Variants in BEGAIN observed in about 807,000 individuals in gnomAD.
BEGAIN encodes brain-enriched guanylate kinase-associated protein.
A neutral mutation model predicts 35.8 loss-of-function variants in BEGAIN; 19 were observed. The ratio of observed to expected loss-of-function variants is 0.53; its 90% confidence interval spans 0.37 to 0.78. The LOEUF (loss-of-function observed/expected upper bound fraction) is 0.78. Among genes scored for constraint, BEGAIN ranks in the 30% least tolerant of loss-of-function variants. BEGAIN has a pLI of 0.00. For missense variants in BEGAIN, 795 were observed against 853.6 expected (o/e 0.93, Z 0.85); for synonymous variants, 462 against 388.6 (o/e 1.19, Z -2.22).
intron 2 of BEGAIN, chr14:100,547,518 G>A (rs961684983): frequency 2.6e-5 from 4 of 152,294 alleles, no homozygotes; most frequent in African/African-American, 9.6e-5. Flanking sequence ...CTGTGCAAAG[G>A]CAGGAGGGTA....
chr14:100,562,250 GC>G (rs2034323027), intron 2 of BEGAIN, among the ~76,000 whole-genome samples: 1 of 152,052 alleles, frequency 6.6e-6, no homozygotes, highest in African/African-American at 2.4e-5. Context: ...CAGGTGGCCA[GC>G]CCCATCCCCA....
chr14:100,568,459 A>G lies in BEGAIN; in HGVS notation c.43-520T>C. 7.8e-7 allele frequency: 1 copy of G among 1,286,448 alleles called. No individual in the cohort carries two copies. Among genetic ancestry groups the G allele is most frequent in the Non-Finnish European group, 1.0e-6 (1 of 987,310 alleles). The allele number at this position is 1,286,448 out of a possible 1,614,324, so 79.7% of individuals were successfully genotyped here. ...CTGACACTCACACAATCCGAGGGCG[A>G]TGGCATTTGGAGCCTCGACTCCTCA... On this transcript the variant is annotated intron_variant, in intron 1 of 6. Coordinates refer to ENST00000554140, the MANE Select transcript of BEGAIN (RefSeq NM_001385089.1). This position sits in a 1 kb window ranked among gnomAD's most constrained non-coding sequence, Gnocchi z 7.5.
intron 4 of BEGAIN, among the ~76,000 whole-genome samples, chr14:100,544,366 C>G (rs2032073990): frequency 6.6e-6 from 1 of 152,184 alleles, no homozygotes; most frequent in Non-Finnish European, 1.5e-5. Context: ...AGGCCCAGCC[C>G]CCAGGCCTGC....
chr14:100,569,030 C>A, intron 1 of BEGAIN: 1 of 838,588 alleles, frequency 1.2e-6, no homozygotes, highest in Non-Finnish European at 1.4e-6. Context: ...GAGGGCGCAG[C>A]CCGGCCGCAG....
At position 100,539,076 on chromosome 14, in the gene BEGAIN, G is replaced by A. The variant is rs1475506380; in HGVS notation, c.732C>T (p.Asp244=). 1 of 1,612,432 alleles carries A rather than the reference G, an allele frequency of 6.2e-7. No individual in the cohort carries two copies. The highest frequency in any genetic ancestry group is 8.5e-7 in the Non-Finnish European group (1 of 1,179,536). Residue 244 remains aspartate, a synonymous_variant, in exon 7 of 7, where the codon GAC becomes GAT. Coordinates refer to ENST00000554140, the MANE Select transcript of BEGAIN (RefSeq NM_001385089.1). ...AGAGGGCTGTGTCACTGCAGTAGAT[G>A]TCTCCCTTGTAGGGGGGCCGCGGGC... ...KPGPRPPYKG[D]IYCSDTALYC... is the part of the protein sequence containing the mutation.
rs369042883 is a variant in BEGAIN at position 100,544,991 on chromosome 14, C to A, written c.300+9G>T. ...GGGTGGGGGAGTGGGCGCTGCGTGG[C>A]GGCCTCACCATGCGGTACAGCTTGT... is the stretch of plus-strand genomic sequence containing the variant. On this transcript the variant is annotated intron_variant, in intron 4 of 6. Coordinates refer to ENST00000554140, the MANE Select transcript of BEGAIN (RefSeq NM_001385089.1). 1.7e-5 allele frequency: 27 copies of A among 1,610,738 alleles called. No individual in the cohort carries two copies. Among genetic ancestry groups the A allele is most frequent in the Non-Finnish European group, 2.3e-5 (27 of 1,179,754 alleles).
At chr14:100,553,874 G>A (rs1248753267) in intron 2 of BEGAIN, among the ~76,000 whole-genome samples, 3 of 152,284 alleles carry the variant, frequency 2.0e-5, no homozygotes, top group East Asian at 3.9e-4. Flanking sequence ...GTCCAAACAG[G>A]TGGGATGCTC....
chr14:100,545,529 C>G (rs767319515), intron 3 of BEGAIN: 11 of 761,120 alleles, frequency 1.4e-5, no homozygotes, highest in Non-Finnish European at 1.8e-5. Context: ...TCGGTTCTGC[C>G]GGGTAGGAGG....
At chr14:100,545,334 G>T (rs185381279) in intron 3 of BEGAIN, 5 of 1,323,748 alleles carry the variant, frequency 3.8e-6, no homozygotes, top group Non-Finnish European at 4.8e-6. Flanking sequence ...GGAAGGGAAG[G>T]CTTGTTATTC....
intron 2 of BEGAIN, chr14:100,549,825 T>C (rs945974042): frequency 1.3e-5 from 2 of 152,286 alleles, no homozygotes; most frequent in African/African-American, 4.8e-5. Context: ...TCCCCTGCCC[T>C]GGGTGAAAAG....
chr14:100,579,201 T>C (rs2035266889), intron 1 of BEGAIN, among the ~76,000 whole-genome samples: 1 of 152,204 alleles, frequency 6.6e-6, no homozygotes, highest in Admixed American at 6.5e-5. Flanking sequence ...AAATAACCTC[T>C]TGTCTTTAAG....
In BEGAIN at chr14:100,568,768, G is replaced by A; in HGVS notation, c.43-829C>T. ...CCGGGCGGGATCGCACTTCCTGCGTGGAGCTGGGGGCGCCGGGCGGGCTCT... is the reference window on the plus strand; with the variant it reads ...CCGGGCGGGATCGCACTTCCTGCGTAGAGCTGGGGGCGCCGGGCGGGCTCT... On this transcript the variant is annotated intron_variant, in intron 1 of 6. Transcript: ENST00000554140. The surrounding 1 kb of genome is among the most constrained non-coding windows in gnomAD (Gnocchi z 7.5). The A allele has an allele frequency of 1.3e-6, 1 of 762,658 alleles. No individual in the cohort carries two copies. Among genetic ancestry groups the A allele is most frequent in the Non-Finnish European group, 1.6e-6 (1 of 625,414 alleles). 47.2% of individuals were successfully genotyped at this position (762,658 alleles called of 1,614,324 possible).
At chr14:100,582,282 T>C (rs2139766280) in intron 1 of BEGAIN, among the ~76,000 whole-genome samples, 1 of 152,236 alleles carries the variant, frequency 6.6e-6, no homozygotes, top group African/African-American at 2.4e-5. Flanking sequence ...GTAGCTGGGA[T>C]TACAGGCACG....
intron 1 of BEGAIN, among the ~76,000 whole-genome samples, chr14:100,570,898 C>T (rs1048843661): frequency 1.3e-5 from 2 of 152,322 alleles, no homozygotes; most frequent in East Asian, 1.9e-4. Flanking sequence ...TGAGGTTAGC[C>T]GAGGCCTGCC....
intron 2 of BEGAIN, among the ~76,000 whole-genome samples, chr14:100,565,138 C>T (rs947799589): frequency 1.3e-5 from 2 of 152,224 alleles, no homozygotes; most frequent in Non-Finnish European, 1.5e-5. Context: ...GAGGGCCAAC[C>T]GGGTCTTTTC....
Position 100,538,486 on chromosome 14 carries a change from C to A in BEGAIN, c.1322G>T (p.Ser441Ile). The change falls in exon 7 of 7, where the codon AGC becomes ATC. Residue 441 changes from serine to isoleucine, a missense_variant. Physicochemically the swap from Ser to Ile is moderately radical, Grantham distance 142 (BLOSUM62 -2). Transcript: ENST00000554140. Reference protein sequence around the residue: ...EDMRGQWRPLSVEDIGAYSYP... With the variant: ...EDMRGQWRPLIVEDIGAYSYP... ...GGAGTAGGCGCCGATGTCCTCCACG[C>A]TCAGGGGACGCCACTGGCCCCTCAT... 1 of 1,555,242 alleles carries A rather than the reference C, an allele frequency of 6.4e-7. No individual in the cohort carries two copies. Among genetic ancestry groups the A allele is most frequent in the South Asian group, 1.2e-5 (1 of 81,266 alleles).
At chr14:100,580,666 GC>G (rs930450603) in intron 1 of BEGAIN, among the ~76,000 whole-genome samples, 15 of 152,054 alleles carry the variant, frequency 9.9e-5, no homozygotes, top group African/African-American at 3.6e-4. Context: ...GCCCCTTATA[GC>G]CCTGGCCCCC....
At position 100,586,258 on chromosome 14, in the gene BEGAIN, G is replaced by C. The variant is rs2035442467; in HGVS notation, c.42+991C>G. ...GAAAAGAACCTGTCCATGGCCTCCA[G>C]AGAGCCAGAGCACTGGGGCCTCCGA... On this transcript the variant is annotated intron_variant, in intron 1 of 6. Coordinates refer to ENST00000554140, the MANE Select transcript of BEGAIN (RefSeq NM_001385089.1). The surrounding 1 kb of genome is among the most constrained non-coding windows in gnomAD (Gnocchi z 4.9). Among the ~76,000 whole-genome samples, 1 of 152,222 alleles carries C rather than the reference G, an allele frequency of 6.6e-6. No homozygotes were observed. Among genetic ancestry groups the C allele is most frequent in the South Asian group, 2.1e-4 (1 of 4,838 alleles).
chr14:100,553,808 GCT>G (rs2140634853), intron 2 of BEGAIN, among the ~76,000 whole-genome samples: 1 of 152,270 alleles, frequency 6.6e-6, no homozygotes, highest in South Asian at 2.1e-4. Flanking sequence ...TCTCTGCTGG[GCT>G]CTCTGCTGGC....
Sources: gnomAD v4.1 joint callset for allele counts (sites outside exome capture counted in the v4.1 genomes callset) on GRCh38, gnomAD v4.1.1 for gene constraint, Gnocchi (gnomAD v3.1) non-coding constraint, MANE v1.5 for transcripts, NCBI Gene and HGNC (gene_info 2026-07-23, HGNC 2026-07-21) for gene names.